Variants in SNX19 observed in about 807,000 individuals in gnomAD.
SNX19 encodes sorting nexin-19.
Under a neutral mutation model 85.2 loss-of-function variants are expected in SNX19, and 60 were observed. That is an observed-to-expected ratio of 0.70 (90% confidence interval 0.57 to 0.87). The LOEUF (loss-of-function observed/expected upper bound fraction) is 0.87. SNX19 is among the 40% of genes least tolerant of loss of function. The pLI is 0.00. For missense variants in SNX19, 1,201 were observed against 1,217.8 expected, an observed-to-expected ratio of 0.99 and a Z score of 0.21; for synonymous variants, 520 against 470.0, an observed-to-expected ratio of 1.11 and a Z score of -1.38.
At chr11:130,903,517 CTCAAA>C in intron 7 of SNX19, 133 bp from the exon 8 acceptor site, 2 of 893,000 alleles carry the variant, frequency 2.2e-6, no homozygotes, top group Non-Finnish European at 3.2e-6. Flanking sequence ...TCCCTCTACA[CTCAAA>C]TCAAAAGAGG....
rs5795702 is a variant in SNX19 at position 130,870,825 on chromosome 11, T to TGGG, written c.*7594_*7596dup. 1.8e-3 allele frequency among the ~76,000 whole-genome samples: 261 copies of TGGG among 148,342 alleles called. No individual in the cohort carries two copies. Among genetic ancestry groups the TGGG allele is most frequent in the African/African-American group, 6.3e-3 (253 of 40,342 alleles). On this transcript the variant is annotated 3_prime_UTR_variant, in exon 11 of 11. Coordinates refer to ENST00000265909, the MANE Select transcript of SNX19 (RefSeq NM_014758.3). ...CATGCACTAGGTATATACATATAGTTGGGGGGGGGGCATAAGGACATAATA... is the reference window on the plus strand; with the variant it reads ...CATGCACTAGGTATATACATATAGTTGGGGGGGGGGGGGCATAAGGACATAATA...
At position 130,916,252 on chromosome 11, in the gene SNX19, C is replaced by A. The variant is rs1946577108; in HGVS notation, c.-313G>T. On this transcript the variant is annotated 5_prime_UTR_variant, in exon 1 of 11. Transcript: ENST00000265909. ...CTTCGGGGCCTCGGGGCGGGCGCTG[C>A]AAGGCCCTGGGGCCCACGGACACTT... 1 of 369,616 alleles carries A rather than the reference C, an allele frequency of 2.7e-6. No homozygotes were observed. Among genetic ancestry groups the A allele is most frequent in the East Asian group, 5.3e-5 (1 of 18,758 alleles). 22.9% of individuals were successfully genotyped at this position (369,616 alleles called of 1,614,324 possible).
chr11:130,878,538 G>C lies in SNX19; in HGVS notation c.2863C>G (p.Leu955Val). ...PLINRHLIYCLGDIILEFLDL... is the reference protein window; with the variant it reads ...PLINRHLIYCVGDIILEFLDL... ...AAGAATTCCAGGATGATGTCCCCAA[G>C]GCAGTAAATCAAATGCCTGAAACGA... Residue 955 changes from leucine to valine, a missense_variant, in exon 11 of 11, where the codon CTT becomes GTT. Around this residue, in one of 3 missense-constraint regions of SNX19, gnomAD observed 285 missense variants for 295.3 expected, o/e 0.97. Coordinates refer to ENST00000265909, the MANE Select transcript of SNX19 (RefSeq NM_014758.3). The C allele has an allele frequency of 6.2e-7, 1 of 1,613,456 alleles. No homozygotes were observed. Among genetic ancestry groups the C allele is most frequent in the Non-Finnish European group, 8.5e-7 (1 of 1,179,668 alleles).
At chr11:130,891,925 C>G (rs1189520777) in intron 8 of SNX19, among the ~76,000 whole-genome samples, 1 of 151,416 alleles carries the variant, frequency 6.6e-6, no homozygotes, top group Non-Finnish European at 1.5e-5. Flanking sequence ...ACTGAAACCT[C>G]CACCTCCTGG....
intron 8 of SNX19, among the ~76,000 whole-genome samples, chr11:130,901,140 C>A (rs1945231286): frequency 6.6e-6 from 1 of 152,146 alleles, no homozygotes; most frequent in African/African-American, 2.4e-5. Flanking sequence ...TTAGCAGCAT[C>A]CTTGGCCTAC....
Position 130,877,500 on chromosome 11 carries a change from T to C in SNX19, c.*922A>G, listed in dbSNP as rs1943329393. On this transcript the variant is annotated 3_prime_UTR_variant, in exon 11 of 11. Transcript: ENST00000265909. ...AGATTTCATCCCCCAGCCTTGCTAG[T>C]CCTACTCTTTGTGCATTCTTAAGAC... is the stretch of plus-strand genomic sequence containing the variant. The C allele has an allele frequency of 6.6e-6, 1 of 152,318 alleles. No individual in the cohort carries two copies. Among genetic ancestry groups the C allele is most frequent in the Admixed American group, 6.5e-5 (1 of 15,286 alleles). 9.4% of individuals were successfully genotyped at this position (152,318 alleles called of 1,614,324 possible).
intron 5 of SNX19, among the ~76,000 whole-genome samples, chr11:130,907,016 C>A (rs1308479040): frequency 6.6e-6 from 1 of 152,098 alleles, no homozygotes; most frequent in African/African-American, 2.4e-5. Flanking sequence ...GGTTATATTC[C>A]CACAGGATAG....
rs146974895 is a variant in SNX19, at chr11:130,887,562, C to T, written c.2574-6756G>A. On this transcript the variant is annotated intron_variant, in intron 8 of 10. Coordinates refer to ENST00000265909, the MANE Select transcript of SNX19 (RefSeq NM_014758.3). ...TAGCAATGTGACCTCAGGCAAGTGG[C>T]TTAATTCCTTAAAAGCATAATCTAA... Among the ~76,000 whole-genome samples, 10 of 152,296 alleles carry T rather than the reference C, an allele frequency of 6.6e-5. No homozygotes were observed. The East Asian group carries it at 1.9e-3, about 29-fold the overall frequency.
At chr11:130,892,206 T>C (rs2135333059) in intron 8 of SNX19, among the ~76,000 whole-genome samples, 1 of 150,468 alleles carries the variant, frequency 6.6e-6, no homozygotes, top group Non-Finnish European at 1.5e-5. Context: ...TCAACCTTTT[T>C]TTGGCCCCAT....
intron 8 of SNX19, among the ~76,000 whole-genome samples, chr11:130,902,248 G>A (rs765023897): frequency 3.3e-5 from 5 of 152,200 alleles, no homozygotes; most frequent in African/African-American, 7.2e-5. Flanking sequence ...GAGATTGGGC[G>A]CTGGCATAGA....
In SNX19 at chr11:130,871,902, C is replaced by A. The variant is rs997742776; in HGVS notation, c.*6520G>T. ...ACTTTAATATTAAAATTAGCTTACA[C>A]TTCCTAAACAAACACTGACTGGTGA... On this transcript the variant is annotated 3_prime_UTR_variant, in exon 11 of 11. Coordinates refer to ENST00000265909, the MANE Select transcript of SNX19 (RefSeq NM_014758.3). 2.6e-5 allele frequency among the ~76,000 whole-genome samples: 4 copies of A among 152,196 alleles called. No homozygotes were observed. The highest frequency in any genetic ancestry group is 9.7e-5 in the African/African-American group (4 of 41,430).
rs532026824 is a variant in SNX19 at position 130,876,693 on chromosome 11, A to C, written c.*1729T>G. ...ATCTTAGCCCTCACTGAAGGAGCTT[A>C]ATGATCAGCTCTAATACATTGGCTG... On this transcript the variant is annotated 3_prime_UTR_variant, in exon 11 of 11. Transcript: ENST00000265909. The C allele has an allele frequency of 1.3e-5, 2 of 152,762 alleles. No homozygotes were observed. Among genetic ancestry groups the C allele is most frequent in the South Asian group, 4.1e-4 (2 of 4,826 alleles). 9.5% of individuals were successfully genotyped at this position (152,762 alleles called of 1,614,324 possible). A position where few individuals can be genotyped will look rare whatever the true frequency, so the allele number is the denominator to read the frequency against.
intron 8 of SNX19, among the ~76,000 whole-genome samples, chr11:130,882,155 A>G (rs1943723253): frequency 6.6e-6 from 1 of 152,184 alleles, no homozygotes; most frequent in Non-Finnish European, 1.5e-5. Context: ...AATTTTTTTC[A>G]AAGTGATATG....
chr11:130,869,710 G>C lies in SNX19; in HGVS notation c.*8712C>G, dbSNP rs749096749. 6.6e-6 allele frequency: 1 copy of C among 152,196 alleles called. No homozygotes were observed. Among genetic ancestry groups the C allele is most frequent in the Non-Finnish European group, 1.5e-5 (1 of 68,040 alleles). 9.4% of individuals were successfully genotyped at this position (152,196 alleles called of 1,614,324 possible). A position where few individuals can be genotyped will look rare whatever the true frequency, so the allele number is the denominator to read the frequency against. ...AAAATGTTTATTCTTAGGGTCGGTA[G>C]TTATTCTGACTTCACAGAAGGGAAT... On this transcript the variant is annotated 3_prime_UTR_variant, in exon 11 of 11. Coordinates refer to ENST00000265909, the MANE Select transcript of SNX19 (RefSeq NM_014758.3).
chr11:130,915,071 G>C lies in SNX19; in HGVS notation c.869C>G (p.Ser290Cys). ...SAPEQPSVPT[S>C]LPLIAEVEQL... ...CTCTACCTCAGCAATCAGTGGCAGA[G>C]ATGTCGGCACTGAGGGCTGTTCGGG... The change falls in exon 1 of 11, where the codon TCT (serine) becomes TGT (cysteine). Residue 290 changes from serine to cysteine, a missense_variant. Physicochemically the swap from Ser to Cys is moderately radical, Grantham distance 112. Transcript: ENST00000265909. The C allele has an allele frequency of 6.2e-7, 1 of 1,614,118 alleles. No individual in the cohort carries two copies. Among genetic ancestry groups the C allele is most frequent in the Non-Finnish European group, 8.5e-7 (1 of 1,179,998 alleles).
chr11:130,915,836 A>T lies in SNX19; in HGVS notation c.104T>A (p.Leu35Ter), dbSNP rs969246173. 1.9e-6 allele frequency: 3 copies of T among 1,614,086 alleles called. No homozygotes were observed. Among genetic ancestry groups the T allele is most frequent in the Non-Finnish European group, 2.5e-6 (3 of 1,180,042 alleles). ...GTGTATGACCAGGAGCCAGCCAAGC[A>T]AGACCCCCACAGCCATCAGCTTCCG... Reference protein sequence around the residue: ...SSRKLMAVGVLLGWLLVIHLL... With the variant: ...SSRKLMAVGV Residue 35 changes from leucine to a stop codon, truncating the protein, a stop_gained, in exon 1 of 11, where the codon TTG becomes TAG. Coordinates refer to ENST00000265909, the MANE Select transcript of SNX19 (RefSeq NM_014758.3). LOFTEE classifies it high-confidence loss of function.
At position 130,903,481 on chromosome 11, in the gene SNX19, A is replaced by C. The variant is rs1196166513; in HGVS notation, c.2444-97T>G. The C allele has an allele frequency of 1.2e-5, 16 of 1,342,912 alleles. No homozygotes were observed. The Admixed American group carries it at 4.0e-4, about 33-fold the overall frequency. 83.2% of individuals were successfully genotyped at this position (1,342,912 alleles called of 1,614,324 possible). ...GTGGCACCTGTGTCTCTCTACCTTC[A>C]TGCCAATCATCTGGTATTTTTGCAA... On this transcript the variant is annotated intron_variant, in intron 7 of 10. Transcript: ENST00000265909.
At position 130,911,640 on chromosome 11, in the gene SNX19, G is replaced by A. The variant is rs1320704458; in HGVS notation, c.1806C>T (p.Phe602=). The change falls in exon 2 of 11, where the codon TTC becomes TTT. Residue 602 remains phenylalanine (F), a synonymous_variant. Coordinates refer to ENST00000265909, the MANE Select transcript of SNX19 (RefSeq NM_014758.3). ...GTTGGGGAAACTCCTGACTTTTGAT[G>A]AACTTTCGTAGATCTGGTTTCTCCT... ...RLEEKPDLRK[F]IKNVKGPKKL... is the part of the protein sequence containing the mutation. 2 of 1,613,986 alleles carry A rather than the reference G, an allele frequency of 1.2e-6. No homozygotes were observed. Among genetic ancestry groups the A allele is most frequent in the East Asian group, 4.5e-5 (2 of 44,884 alleles).
At chr11:130,893,624 G>A (rs750598756) in intron 8 of SNX19, 1 of 594,028 alleles carries the variant, frequency 1.7e-6, no homozygotes, top group Non-Finnish European at 3.0e-6. Flanking sequence ...CACCGAAGTG[G>A]CAACTCCAGA....
Sources: gnomAD v4.1 joint callset for allele counts (sites outside exome capture counted in the v4.1 genomes callset) on GRCh38, gnomAD v4.1.1 for gene constraint, gnomAD v4.1.1 regional missense constraint, MANE v1.5 for transcripts, NCBI Gene and HGNC (gene_info 2026-07-23, HGNC 2026-07-21) for gene names.